The following RBFOX3 variants were observed in gnomAD, a reference collection of about 807,000 sequenced individuals.
RBFOX3 encodes RNA binding protein fox-1 homolog 3.
RBFOX3 carries 17 observed loss-of-function variants against 48.7 expected under a neutral mutation model. The observed-to-expected ratio is 0.35, with a 90% CI of 0.24 to 0.52. The LOEUF (loss-of-function observed/expected upper bound fraction) is 0.52, where lower values mean the gene tolerates loss of function less well. RBFOX3 is among the 20% of genes least tolerant of loss of function. RBFOX3 has a pLI of 0.94. For missense variants in RBFOX3, 382 were observed against 497.5 expected (o/e 0.77, Z 2.21); for synonymous variants, 212 against 209.5 (o/e 1.01, Z -0.10).
intron 4 of RBFOX3, among the ~76,000 whole-genome samples, chr17:79,194,254 C>A (rs2055095711): frequency 6.6e-6 from 1 of 152,114 alleles, no homozygotes; most frequent in Non-Finnish European, 1.5e-5. Flanking sequence ...GAGCAGGAGT[C>A]TGTGATAAGG....
intron 4 of RBFOX3, among the ~76,000 whole-genome samples, chr17:79,230,154 TGCCGTCG>T (rs1289406970): frequency 6.6e-6 from 1 of 152,238 alleles, no homozygotes; most frequent in Non-Finnish European, 1.5e-5. Flanking sequence ...CTGGTTGGGT[TGCCGTCG>T]GCCTCTAGGT....
rs2092362103 is a variant in RBFOX3 at position 79,564,088 on chromosome 17, C to T, written c.-320+46738G>A. 2.0e-5 allele frequency among the ~76,000 whole-genome samples: 3 copies of T among 152,196 alleles called. No individual in the cohort carries two copies. In the South Asian group the frequency reaches 6.2e-4, roughly 32 times the overall value. ...CCTGCAGCTTCTTTGGGGTCAGTAC[C>T]TTACCCAAGGTCACACAGCTAAGGA... On this transcript the variant is annotated intron_variant, in intron 1 of 14. Coordinates refer to ENST00000693108, the MANE Select transcript of RBFOX3 (RefSeq NM_001350451.2).
intron 1 of RBFOX3, among the ~76,000 whole-genome samples, chr17:79,536,889 T>C (rs1464467516): frequency 6.6e-6 from 1 of 151,950 alleles, no homozygotes; most frequent in Non-Finnish European, 1.5e-5. Flanking sequence ...ATCGAGACCA[T>C]CCTGGCCAAC....
At chr17:79,642,583 CT>C in the RBFOX3 span, among the ~76,000 whole-genome samples, 4 of 151,926 alleles carry the variant, frequency 2.6e-5, no homozygotes, top group Admixed American at 1.3e-4. Context: ...TCTCACTTCA[CT>C]TTTTTATTGT....
chr17:79,154,513 G>C (rs1208886577), intron 4 of RBFOX3, among the ~76,000 whole-genome samples: 1 of 152,242 alleles, frequency 6.6e-6, no homozygotes, highest in African/African-American at 2.4e-5. Flanking sequence ...GATGGAGGGA[G>C]GAAGTCGGGC....
At chr17:79,583,941 C>T (rs957493477) in intron 1 of RBFOX3, among the ~76,000 whole-genome samples, 36 of 151,982 alleles carry the variant, frequency 2.4e-4, no homozygotes, top group Non-Finnish European at 2.6e-4. Flanking sequence ...GCGGACATGG[C>T]GGGGGATGGA....
intron 2 of RBFOX3, among the ~76,000 whole-genome samples, chr17:79,407,426 G>A (rs753049988): frequency 1.3e-5 from 2 of 152,238 alleles, no homozygotes; most frequent in African/African-American, 2.4e-5. Context: ...GGCTTCCCCT[G>A]GGGGAGGACA....
intron 4 of RBFOX3, among the ~76,000 whole-genome samples, chr17:79,139,345 T>C (rs1048309216): frequency 5.9e-5 from 9 of 152,104 alleles, no homozygotes; most frequent in Admixed American, 1.3e-4. Context: ...GCCAGGTGAC[T>C]ATGTCTCCAG....
the RBFOX3 span, among the ~76,000 whole-genome samples, chr17:79,656,009 C>A: frequency 6.6e-6 from 1 of 152,288 alleles, no homozygotes; most frequent in Middle Eastern, 3.4e-3. Flanking sequence ...TCTGCAGGGA[C>A]CCCGAGGGAA....
intron 2 of RBFOX3, among the ~76,000 whole-genome samples, chr17:79,428,964 C>T (rs563747889): frequency 1.5e-3 from 230 of 152,312 alleles, no homozygotes; most frequent in African/African-American, 5.1e-3. Context: ...CTCTTTACTC[C>T]GGGTCCCCCT....
intron 5 of RBFOX3, among the ~76,000 whole-genome samples, chr17:79,112,923 G>GGGGGGGGGGGGGGGGGT (rs2032501695): frequency 7.9e-6 from 1 of 127,274 alleles, no homozygotes; most frequent in African/African-American, 3.0e-5. Flanking sequence ...GGTGGGCTGG[G>GGGGGGGGGGGGGGGGGT]TAGGACTTCA....
intron 1 of RBFOX3, among the ~76,000 whole-genome samples, chr17:79,491,700 A>C (rs2080689160): frequency 6.6e-6 from 1 of 152,192 alleles, no homozygotes; most frequent in South Asian, 2.1e-4. Flanking sequence ...ATTGCAGTGC[A>C]GGGGCCTTCA....
At chr17:79,305,916 C>T (rs1426794726) in intron 3 of RBFOX3, among the ~76,000 whole-genome samples, 2 of 152,180 alleles carry the variant, frequency 1.3e-5, no homozygotes, top group South Asian at 2.1e-4. Flanking sequence ...TAGCCTCTAG[C>T]GTAGAGCCCT....
intron 1 of RBFOX3, among the ~76,000 whole-genome samples, chr17:79,550,181 G>A (rs1416551764): frequency 1.3e-5 from 2 of 152,154 alleles, no homozygotes; most frequent in South Asian, 2.1e-4. Flanking sequence ...GGGAAAAAGA[G>A]CACTGAGCCC....
chr17:79,572,368 C>G (rs2092705944), intron 1 of RBFOX3, among the ~76,000 whole-genome samples: 1 of 152,228 alleles, frequency 6.6e-6, no homozygotes, highest in Non-Finnish European at 1.5e-5. Context: ...GGCAAGGTCC[C>G]TGTGTCCAGG....
At chr17:79,614,535 T>C (rs2093986910), upstream of RBFOX3, among the ~76,000 whole-genome samples, 1 of 152,076 alleles carries the variant, frequency 6.6e-6, no homozygotes, top group South Asian at 2.1e-4. Flanking sequence ...AAAGCCTTCA[T>C]GAGAAGGAGC....
chr17:79,133,283 C>CT (rs2039412302), intron 4 of RBFOX3, among the ~76,000 whole-genome samples: 1 of 152,164 alleles, frequency 6.6e-6, no homozygotes, highest in African/African-American at 2.4e-5. Flanking sequence ...TGGGCCCAGC[C>CT]TTGTCCATCC....
At chr17:79,609,351 G>A (rs1227404077) in intron 1 of RBFOX3, among the ~76,000 whole-genome samples, 1 of 152,070 alleles carries the variant, frequency 6.6e-6, no homozygotes, top group African/African-American at 2.4e-5. Context: ...TCCAACCTGC[G>A]TTTGGAGCAG....
chr17:79,203,874 G>C (rs1433873728), intron 4 of RBFOX3, among the ~76,000 whole-genome samples: 1 of 152,098 alleles, frequency 6.6e-6, no homozygotes, highest in Admixed American at 6.5e-5. Flanking sequence ...TCACCAAGGA[G>C]CCTGAACCCA....
Sources: allele counts gnomAD v4.1 joint callset (sites outside exome capture counted in the v4.1 genomes callset), GRCh38; gene constraint gnomAD v4.1.1; transcripts MANE v1.5; gene names NCBI Gene and HGNC (gene_info 2026-07-23, HGNC 2026-07-21).